The following STPG1 variants were observed in gnomAD, a reference collection of about 807,000 sequenced individuals.
STPG1 encodes O(6)-methylguanine-induced apoptosis 2.
STPG1 carries 33 observed loss-of-function variants against 40.1 expected under a neutral mutation model. The observed-to-expected ratio is 0.82, with a 90% CI of 0.62 to 1.10. The LOEUF (loss-of-function observed/expected upper bound fraction) is 1.10, where lower values mean the gene tolerates loss of function less well. Among genes scored for constraint, STPG1 ranks in the 50% least tolerant of loss-of-function variants. STPG1 has a pLI of 0.00. For synonymous variants in STPG1, 150 were observed against 155.0 expected (o/e 0.97, Z 0.24); for missense variants, 396 against 415.1 (o/e 0.95, Z 0.40).
At chr1:24,394,215 A>G (rs985448237) in intron 2 of STPG1, among the ~76,000 whole-genome samples, 2 of 152,192 alleles carry the variant, frequency 1.3e-5, no homozygotes, top group Non-Finnish European at 2.9e-5. Context: ...AAACCTCATA[A>G]TTCATGGAAC....
chr1:24,396,303 T>TC (rs1367294756), intron 2 of STPG1, among the ~76,000 whole-genome samples: 1 of 141,010 alleles, frequency 7.1e-6, no homozygotes, highest in Non-Finnish European at 1.6e-5. Context: ...ATCTATCATC[T>TC]ATCTATCTTA....
intron 8 of STPG1, among the ~76,000 whole-genome samples, chr1:24,360,045 C>T (rs1427978611): frequency 3.9e-5 from 6 of 152,298 alleles, no homozygotes; most frequent in South Asian, 2.1e-4. Context: ...TGGCACTGCC[C>T]GCCACGAACT....
chr1:24,377,814 T>C (rs1253490186), intron 5 of STPG1, among the ~76,000 whole-genome samples: 3 of 152,166 alleles, frequency 2.0e-5, no homozygotes, highest in Non-Finnish European at 2.9e-5. Flanking sequence ...ACCCCAGCCA[T>C]CCACTGGTGC....
intron 1 of STPG1, among the ~76,000 whole-genome samples, chr1:24,402,063 C>T (rs1643248461): frequency 6.6e-6 from 1 of 152,074 alleles, no homozygotes; most frequent in Non-Finnish European, 1.5e-5. Context: ...TTGTACAATT[C>T]CAAGTTTTGG....
In STPG1 at chr1:24,360,832, T is replaced by C. The variant is rs376548001; in HGVS notation, c.928+19A>G. ...CCAGAAGATTTGGTTTTTACAATCA[T>C]TTAAAACAATCCTCTGACCTGGGCC... On this transcript the variant is annotated intron_variant, in intron 8 of 8. Coordinates refer to ENST00000337248, the MANE Select transcript of STPG1 (RefSeq NM_001199013.2). 2.5e-5 allele frequency: 40 copies of C among 1,591,700 alleles called. No individual in the cohort carries two copies. The African/African-American group carries it at 4.7e-4, about 19-fold the overall frequency.
intron 7 of STPG1, among the ~76,000 whole-genome samples, chr1:24,362,072 A>G (rs544428815): frequency 6.6e-6 from 1 of 152,308 alleles, no homozygotes; most frequent in South Asian, 2.1e-4. Flanking sequence ...GGTTCTCCGC[A>G]CTGAATGGCC....
chr1:24,368,773 C>G (rs558805123), intron 7 of STPG1: 2 of 152,350 alleles, frequency 1.3e-5, no homozygotes, highest in African/African-American at 4.8e-5. Context: ...GGCGCAATCT[C>G]GGCTCACCAC....
rs1450694379 is a variant in STPG1 at position 24,413,736 on chromosome 1, G to A, written c.-131C>T. ...CCTCCCGGTCGCTATGGCACCCACA[G>A]GCCTAACATTCGCGAGTCCACCTTC... On this transcript the variant is annotated 5_prime_UTR_variant, in exon 1 of 9. Coordinates refer to ENST00000337248, the MANE Select transcript of STPG1 (RefSeq NM_001199013.2). 3 of 152,278 alleles carry A rather than the reference G, an allele frequency of 2.0e-5. No homozygotes were observed. Among genetic ancestry groups the A allele is most frequent in the Non-Finnish European group, 4.4e-5 (3 of 68,098 alleles). The allele number at this position is 152,278 out of a possible 1,614,324, so 9.4% of individuals were successfully genotyped here. A position where few individuals can be genotyped will look rare whatever the true frequency, so the allele number is the denominator to read the frequency against.
chr1:24,399,017 G>A lies in STPG1; in HGVS notation c.70+2302C>T, dbSNP rs551483310. Among the ~76,000 whole-genome samples, 15 of 151,968 alleles carry A rather than the reference G, an allele frequency of 9.9e-5. No homozygotes were observed. The highest frequency in any genetic ancestry group is 8.5e-4 in the Admixed American group (13 of 15,260). The stretch of plus-strand genomic sequence containing the variant: ...GTATAGCTACCCAGATTTGATCATC[G>A]CACATTATATTCTTGTATCAAAATA... On this transcript the variant is annotated intron_variant, in intron 2 of 8. Transcript: ENST00000337248. The surrounding 1 kb of genome is among the most constrained non-coding windows in gnomAD (Gnocchi z 4.0).
chr1:24,377,139 T>C (rs1457781150), intron 5 of STPG1, among the ~76,000 whole-genome samples: 4 of 150,308 alleles, frequency 2.7e-5, no homozygotes, highest in African/African-American at 7.3e-5. Context: ...TGGTGGCATG[T>C]GCCTGTAATC....
intron 7 of STPG1, among the ~76,000 whole-genome samples, chr1:24,367,335 A>T (rs376279453): frequency 5.9e-5 from 9 of 152,348 alleles, no homozygotes; most frequent in African/African-American, 1.9e-4. Flanking sequence ...ATATTTCTCC[A>T]GATAAAGCAG....
chr1:24,371,391 C>A (rs1044182495), intron 6 of STPG1, among the ~76,000 whole-genome samples: 19 of 151,918 alleles, frequency 1.3e-4, no homozygotes, highest in African/African-American at 4.6e-4. Flanking sequence ...AGTTTGAGAC[C>A]AGCCTGACCA....
intron 7 of STPG1, among the ~76,000 whole-genome samples, chr1:24,362,958 C>T (rs1182326936): frequency 6.6e-6 from 1 of 152,216 alleles, no homozygotes. Flanking sequence ...CTGGCTTCTC[C>T]TTGTTCTGGC....
intron 7 of STPG1, among the ~76,000 whole-genome samples, chr1:24,362,002 C>A (rs896510376): frequency 6.6e-6 from 1 of 152,220 alleles, no homozygotes; most frequent in African/African-American, 2.4e-5. Context: ...GAAGGGCCGC[C>A]TCCTTCTGGC....
chr1:24,396,270 GCTAT>G (rs369677161), intron 2 of STPG1, among the ~76,000 whole-genome samples: 90 of 127,674 alleles, frequency 7.0e-4, no homozygotes, highest in South Asian at 2.7e-3. Context: ...TCCATCTATA[GCTAT>G]CTATCTATCT....
intron 3 of STPG1, chr1:24,391,288 A>G (rs1224568074): frequency 2.1e-5 from 5 of 240,418 alleles, no homozygotes; most frequent in African/African-American, 4.4e-5. Context: ...GATTTTTAAA[A>G]TATATTGTTT....
At chr1:24,400,988 G>A (rs1643200421) in intron 2 of STPG1, 1 of 221,848 alleles carries the variant, frequency 4.5e-6, no homozygotes, top group Non-Finnish European at 8.9e-6. Context: ...CATAACTCAA[G>A]TTGAGTTCTA....
chr1:24,378,402 G>A (rs1021443190), intron 5 of STPG1, among the ~76,000 whole-genome samples: 5 of 152,186 alleles, frequency 3.3e-5, no homozygotes, highest in East Asian at 3.9e-4. Flanking sequence ...TTGGGAGGCC[G>A]AGGCAGGTGG....
intron 5 of STPG1, among the ~76,000 whole-genome samples, chr1:24,376,930 A>G (rs1323951749): frequency 6.6e-6 from 1 of 152,124 alleles, no homozygotes; most frequent in Non-Finnish European, 1.5e-5. Context: ...ACTGCAGTCC[A>G]TTCACCACAC....
Sources: gnomAD v4.1 joint callset for allele counts (sites outside exome capture counted in the v4.1 genomes callset) on GRCh38, gnomAD v4.1.1 for gene constraint, Gnocchi (gnomAD v3.1) non-coding constraint, MANE v1.5 for transcripts, NCBI Gene and HGNC (gene_info 2026-07-23, HGNC 2026-07-21) for gene names.